Variants in SCOC observed in about 807,000 individuals in gnomAD.
SCOC encodes short coiled-coil protein, also known as short coiled coil protein.
In SCOC, 7 loss-of-function variants were observed where a neutral mutation model predicts 9.9. That is an observed-to-expected ratio of 0.71 (90% confidence interval 0.40 to 1.33). The LOEUF is 1.33. SCOC is among the 40% of genes most tolerant of loss of function. The pLI, the probability that SCOC is intolerant of heterozygous loss-of-function variation, is 0.01. For synonymous variants in SCOC, 19 were observed against 28.2 expected (o/e 0.67, Z 1.03); for missense variants, 66 against 89.7 (o/e 0.74, Z 1.07).
upstream of SCOC, among the ~76,000 whole-genome samples, chr4:140,341,660 CAT>C (rs1726514873): frequency 6.6e-6 from 1 of 152,162 alleles, no homozygotes; most frequent in Non-Finnish European, 1.5e-5. Flanking sequence ...AAAAGCAGCT[CAT>C]GTGGTTGCCC....
intron 1 of SCOC, among the ~76,000 whole-genome samples, chr4:140,282,552 T>A (rs1017447481): frequency 5.9e-5 from 9 of 152,248 alleles, no homozygotes; most frequent in African/African-American, 2.2e-4. Flanking sequence ...ATATTCCTAT[T>A]GTTTTATTAG....
intron 2 of SCOC, among the ~76,000 whole-genome samples, chr4:140,350,040 C>T (rs1159013299): frequency 1.3e-5 from 2 of 152,214 alleles, no homozygotes; most frequent in Admixed American, 1.3e-4. Context: ...GTTCCCTCCA[C>T]ACAGTGCCTA....
intron 1 of SCOC, chr4:140,285,234 A>C (rs1324546069): frequency 2.2e-6 from 1 of 456,790 alleles, no homozygotes. Context: ...GCCTCCCTGC[A>C]ATCGACATAT....
chr4:140,343,003 T>G (rs1203761445), upstream of SCOC, among the ~76,000 whole-genome samples: 1 of 99,862 alleles, frequency 1.0e-5, no homozygotes, highest in Non-Finnish European at 1.9e-5. Flanking sequence ...TCATATATAT[T>G]TCTTCTTATT....
intron 1 of SCOC, among the ~76,000 whole-genome samples, chr4:140,322,826 A>T (rs1229123474): frequency 6.6e-6 from 1 of 152,092 alleles, no homozygotes; most frequent in East Asian, 1.9e-4. Context: ...TTGATAAGGA[A>T]ATTAGTAGGG....
rs1393556573 is a variant in SCOC at position 140,367,389 on chromosome 4, T to A, written c.71-11732T>A. Among the ~76,000 whole-genome samples, 5 of 151,248 alleles carry A rather than the reference T, an allele frequency of 3.3e-5. No individual in the cohort carries two copies. In the East Asian group the frequency reaches 9.7e-4, roughly 29 times the overall value. On this transcript the variant is annotated intron_variant, in intron 2 of 4. Transcript: ENST00000338517. The stretch of plus-strand genomic sequence containing the variant: ...AATCTTGATTTTAAAGCCAGATTAT[T>A]TTTTTTTTGAGATGGAGTCTTGCTG...
rs932002090 is a variant in SCOC at position 140,366,585 on chromosome 4, G to A, written c.71-12536G>A. The A allele has an allele frequency of 3.7e-6, 6 of 1,604,776 alleles. No homozygotes were observed. In the East Asian group the frequency reaches 1.3e-4, roughly 36 times the overall value. The stretch of plus-strand genomic sequence containing the variant: ...TCCTTTCTCTGGCTTCAATCTTCTT[G>A]GCCCATCGTGTGGCTGCCCATTTTG... On this transcript the variant is annotated intron_variant, in intron 2 of 4. Transcript: ENST00000338517.
At chr4:140,380,369 T>TG (rs934178500) in intron 3 of SCOC, among the ~76,000 whole-genome samples, 2 of 151,864 alleles carry the variant, frequency 1.3e-5, no homozygotes, top group Non-Finnish European at 2.9e-5. Context: ...AGCTAATTTT[T>TG]TTGTATTTTT....
At position 140,305,927 on chromosome 4, in the gene SCOC, C is replaced by G. The variant is rs1731966965; in HGVS notation, c.-18-37694C>G. Among the ~76,000 whole-genome samples, 10 of 152,128 alleles carry G rather than the reference C, an allele frequency of 6.6e-5. No individual in the cohort carries two copies. The South Asian group carries it at 2.1e-3, about 32-fold the overall frequency. ...CCTGGGGAAAATTCACCTTTTCTCCCTTTTTAAATCCTTCTTTCTTGAGCT... is the reference window on the plus strand; with the variant it reads ...CCTGGGGAAAATTCACCTTTTCTCCGTTTTTAAATCCTTCTTTCTTGAGCT... On this transcript the variant is annotated intron_variant, in intron 1 of 4. Transcript: ENST00000394205.
At chr4:140,377,692 G>A (rs1728399461) in intron 1 of SCOC, among the ~76,000 whole-genome samples, 1 of 152,040 alleles carries the variant, frequency 6.6e-6, no homozygotes, top group Non-Finnish European at 1.5e-5. Flanking sequence ...ATGTACACTG[G>A]GCATTTTCAA....
chr4:140,362,279 T>TCTTCC (rs1426744430), intron 2 of SCOC, among the ~76,000 whole-genome samples: 1 of 10,986 alleles, frequency 9.1e-5, no homozygotes, highest in Non-Finnish European at 1.6e-4. Flanking sequence ...GTGTCCTTAC[T>TCTTCC]TCTTCTTCTT....
upstream of SCOC, among the ~76,000 whole-genome samples, chr4:140,341,394 G>A (rs562843633): frequency 6.6e-6 from 1 of 152,300 alleles, no homozygotes; most frequent in East Asian, 1.9e-4. Flanking sequence ...AGGGCAAGAA[G>A]TCCAATCTTA....
intron 1 of SCOC, among the ~76,000 whole-genome samples, chr4:140,286,451 C>G: frequency 6.6e-6 from 1 of 152,162 alleles, no homozygotes. Context: ...CTCCCAAACT[C>G]TGTCCTTTTA....
At chr4:140,292,252 G>A (rs1259065214) in intron 1 of SCOC, among the ~76,000 whole-genome samples, 2 of 148,672 alleles carry the variant, frequency 1.3e-5, no homozygotes, top group African/African-American at 5.0e-5. Flanking sequence ...GCAGTAGCAT[G>A]ATCTTGGCTC....
intron 1 of SCOC, among the ~76,000 whole-genome samples, chr4:140,326,554 G>A (rs771037373): frequency 6.6e-6 from 1 of 152,096 alleles, no homozygotes; most frequent in Non-Finnish European, 1.5e-5. Context: ...TTCTGTCAAT[G>A]TGAGCTCCTG....
upstream of SCOC, among the ~76,000 whole-genome samples, chr4:140,373,008 C>T (rs1216312746): frequency 6.6e-6 from 1 of 152,190 alleles, no homozygotes; most frequent in Non-Finnish European, 1.5e-5. Flanking sequence ...GCCTCAGTAC[C>T]ACTAGGGTAT....
intron 1 of SCOC, among the ~76,000 whole-genome samples, chr4:140,283,436 C>T (rs929536982): frequency 2.0e-5 from 3 of 152,124 alleles, no homozygotes; most frequent in Admixed American, 2.0e-4. Flanking sequence ...GTTCTGATTA[C>T]TTTTTCCTAT....
intron 2 of SCOC, among the ~76,000 whole-genome samples, chr4:140,351,063 G>T (rs1726954150): frequency 6.6e-6 from 1 of 151,900 alleles, no homozygotes; most frequent in Non-Finnish European, 1.5e-5. Context: ...GGTGCCAGGT[G>T]CCTGTAATCC....
chr4:140,317,355 AACCCCTG>A (rs1251687452), intron 1 of SCOC, among the ~76,000 whole-genome samples: 1 of 152,226 alleles, frequency 6.6e-6, no homozygotes, highest in Non-Finnish European at 1.5e-5. Context: ...GTTAAAAATC[AACCCCTG>A]ACCTAATTGC....
Sources: allele counts gnomAD v4.1 joint callset (sites outside exome capture counted in the v4.1 genomes callset), GRCh38; gene constraint gnomAD v4.1.1; transcripts MANE v1.5; gene names NCBI Gene and HGNC (gene_info 2026-07-23, HGNC 2026-07-21).